MIS18BP1: variants seen among roughly 807,000 people sequenced by gnomAD.
MIS18BP1 encodes the protein MIS18 binding protein 1, also known as mis18-binding protein 1.
A neutral mutation model predicts 116.1 loss-of-function variants in MIS18BP1; 72 were observed. The ratio of observed to expected loss-of-function variants is 0.62; its 90% CI spans 0.51 to 0.75. MIS18BP1 has a LOEUF of 0.75. Among genes scored for constraint, MIS18BP1 ranks in the 30% least tolerant of loss-of-function variants. MIS18BP1 has a pLI of 0.00. For synonymous variants in MIS18BP1, 386 were observed against 427.0 expected, an observed-to-expected ratio of 0.90 and a Z score of 1.18; for missense variants, 1,363 against 1,303.2, an observed-to-expected ratio of 1.05 and a Z score of -0.71.
chr14:45,218,329 T>C lies in MIS18BP1; in HGVS notation c.2795A>G (p.Gln932Arg). 6.2e-7 allele frequency: 1 copy of C among 1,614,142 alleles called. No individual in the cohort carries two copies. The highest frequency in any genetic ancestry group is 8.5e-7 in the Non-Finnish European group (1 of 1,180,012). Residue 932 changes from glutamine (Q) to arginine (R), a missense_variant, in exon 12 of 17, where the codon CAG (glutamine) becomes CGG (arginine). Transcript: ENST00000310806. ...YMENPRGKGS[Q>R]KHVTKKKPAN... is the part of the protein sequence containing the mutation. Reference sequence around the variant, plus strand: ...TGGCTTCTTCTTAGTGACATGTTTCTGGGATCCTTTTCCTCTGGGATTTTC... The same window carrying C: ...TGGCTTCTTCTTAGTGACATGTTTCCGGGATCCTTTTCCTCTGGGATTTTC...
chr14:45,240,221 C>T (rs1414314500), intron 4 of MIS18BP1, among the ~76,000 whole-genome samples: 1 of 151,772 alleles, frequency 6.6e-6, no homozygotes, highest in African/African-American at 2.4e-5. Context: ...GCAGTAATTC[C>T]AACATTTTTA....
In MIS18BP1 at chr14:45,247,390, G is replaced by A. The variant is rs760568869; in HGVS notation, c.-91-13C>T. 7 of 927,354 alleles carry A rather than the reference G, an allele frequency of 7.5e-6. No homozygotes were observed. The highest frequency in any genetic ancestry group is 3.2e-4 in the Middle Eastern group (1 of 3,088). The allele number at this position is 927,354 out of a possible 1,614,324, so 57.4% of individuals were successfully genotyped here. On this transcript the variant is annotated splice_polypyrimidine_tract_variant and intron_variant, in intron 1 of 16. Coordinates refer to ENST00000310806, the MANE Select transcript of MIS18BP1 (RefSeq NM_018353.5). ...GATCCACAGAAACCTGTAGTTCAAC[G>A]TAAAATCAGCCTTTATCATGCTTTG...
At chr14:45,221,983 A>G (rs1387539169) in intron 11 of MIS18BP1, among the ~76,000 whole-genome samples, 1 of 152,192 alleles carries the variant, frequency 6.6e-6, no homozygotes, top group Non-Finnish European at 1.5e-5. Context: ...TGACCCTTCT[A>G]TCATTTGTAA....
Position 45,235,917 on chromosome 14 carries a change from A to G in MIS18BP1, c.1245T>C (p.Ser415=). ...GCTCAATCCGCTCTATAATTACATT[A>G]CTGTGCCAATATATGTTAGTGACGT... ...LIDVTNIYWH[S]NVIIERIEHN... is the part of the protein sequence containing the mutation. The change falls in exon 6 of 17, where the codon AGT becomes AGC. Residue 415 remains serine, a synonymous_variant. Transcript: ENST00000310806. The G allele has an allele frequency of 6.2e-7, 1 of 1,610,856 alleles. No individual in the cohort carries two copies. Among genetic ancestry groups the G allele is most frequent in the East Asian group, 2.2e-5 (1 of 44,720 alleles).
rs1423296661 is a variant in MIS18BP1 at position 45,242,833 on chromosome 14, TATC to T, written c.583_585del (p.Asp195del). The T allele has an allele frequency of 3.1e-6, 5 of 1,613,400 alleles. No individual in the cohort carries two copies. Among genetic ancestry groups the T allele is most frequent in the South Asian group, 2.2e-5 (2 of 91,040 alleles). On this transcript the variant is annotated inframe_deletion, in exon 3 of 17. Coordinates refer to ENST00000310806, the MANE Select transcript of MIS18BP1 (RefSeq NM_018353.5). ...ATCTTTTGTTTGACCGGGAGGAAAATATCATTATTTGATGATTCTAGAGGAACT... is the reference window on the plus strand; with the variant it reads ...ATCTTTTGTTTGACCGGGAGGAAAATATTATTTGATGATTCTAGAGGAACT...
rs138516068 is a variant in MIS18BP1, at chr14:45,203,962, C to T, written c.*147G>A. On this transcript the variant is annotated 3_prime_UTR_variant, in exon 17 of 17. Transcript: ENST00000310806. Reference sequence around the variant, plus strand: ...AAGCTGCAGCAATGAGGATATTTTACTTTGAACACAAACATATGAAACCTT... The same window carrying T: ...AAGCTGCAGCAATGAGGATATTTTATTTTGAACACAAACATATGAAACCTT... The T allele has an allele frequency of 1.7e-6, 2 of 1,198,340 alleles. No homozygotes were observed. Among genetic ancestry groups the T allele is most frequent in the African/African-American group, 3.2e-5 (2 of 63,056 alleles). 74.2% of individuals were successfully genotyped at this position (1,198,340 alleles called of 1,614,324 possible). A position where few individuals can be genotyped will look rare whatever the true frequency, so the allele number is the denominator to read the frequency against.
chr14:45,235,111 C>T (rs2139215533), intron 6 of MIS18BP1, among the ~76,000 whole-genome samples: 1 of 150,000 alleles, frequency 6.7e-6, no homozygotes, highest in Middle Eastern at 3.4e-3. Context: ...GAGGCTGAGG[C>T]ATGAATAATC....
intron 1 of MIS18BP1, among the ~76,000 whole-genome samples, chr14:45,250,440 C>T (rs17115938): frequency 0.022 from 3,279 of 152,274 alleles, 112 homozygotes; most frequent in African/African-American, 0.075. Flanking sequence ...TCTGATGAAA[C>T]ACAGACATTA....
intron 2 of MIS18BP1, among the ~76,000 whole-genome samples, chr14:45,245,190 C>G (rs1205977748): frequency 1.3e-5 from 2 of 152,100 alleles, no homozygotes; most frequent in Non-Finnish European, 2.9e-5. Flanking sequence ...CACCAATGAC[C>G]TTCACATTGC....
chr14:45,232,628 C>T (rs763396937), intron 7 of MIS18BP1, 105 bp downstream of exon 7: 159 of 682,842 alleles, frequency 2.3e-4, no homozygotes, highest in Admixed American at 4.2e-4. Flanking sequence ...AACCCCATCT[C>T]TATTAAAAAT....
intron 3 of MIS18BP1, 34 bp from the exon 4 acceptor site, chr14:45,242,552 A>G (rs1212280882): frequency 3.2e-6 from 5 of 1,542,920 alleles, no homozygotes; most frequent in Non-Finnish European, 4.3e-6. Context: ...AAAACAAAAC[A>G]ATTATAGAAG....
At chr14:45,238,591 A>G (rs940641188) in intron 4 of MIS18BP1, among the ~76,000 whole-genome samples, 3 of 152,140 alleles carry the variant, frequency 2.0e-5, no homozygotes, top group African/African-American at 7.2e-5. Context: ...GAACTTTGGG[A>G]GGCCAAGTCG....
chr14:45,229,873 T>C (rs1022654439), intron 8 of MIS18BP1, among the ~76,000 whole-genome samples: 3 of 151,946 alleles, frequency 2.0e-5, no homozygotes, highest in East Asian at 1.9e-4. Context: ...TTAGAGAAAA[T>C]AGGATGACTT....
intron 10 of MIS18BP1, 44 bp downstream of exon 10, chr14:45,226,699 G>A (rs1891130450): frequency 1.6e-6 from 2 of 1,285,972 alleles, no homozygotes; most frequent in South Asian, 1.7e-5. Flanking sequence ...ATTTCACATA[G>A]TAGCTTTCTG....
At chr14:45,245,149 C>G (rs920225091) in intron 2 of MIS18BP1, among the ~76,000 whole-genome samples, 1 of 152,160 alleles carries the variant, frequency 6.6e-6, no homozygotes, top group African/African-American at 2.4e-5. Context: ...TTCGTTGCTA[C>G]CATTCCACCA....
intron 11 of MIS18BP1, among the ~76,000 whole-genome samples, chr14:45,221,357 A>C (rs1317411276): frequency 1.3e-5 from 2 of 152,242 alleles, no homozygotes; most frequent in South Asian, 2.1e-4. Context: ...GAATGGTGTG[A>C]ACCTGGGAGG....
At position 45,242,114 on chromosome 14, in the gene MIS18BP1, G is replaced by C; in HGVS notation, c.1063C>G (p.Arg355Gly). 1.2e-6 allele frequency: 2 copies of C among 1,613,788 alleles called. No individual in the cohort carries two copies. The highest frequency in any genetic ancestry group is 1.3e-5 in the African/African-American group (1 of 74,958). ...ATPRLHITIP[R>G]RSKRNISKLS... ...TTTGAAATATTTCTTTTTGACCTCCGAGGTATTGTTATATGAAGTCTTGGT... is the reference window on the plus strand; with the variant it reads ...TTTGAAATATTTCTTTTTGACCTCCCAGGTATTGTTATATGAAGTCTTGGT... The change falls in exon 4 of 17, where the codon CGG becomes GGG. Residue 355 changes from arginine to glycine, a missense_variant. By Grantham distance (125) the Arg-to-Gly change is moderately radical (BLOSUM62 -2). Transcript: ENST00000310806.
At chr14:45,233,218 T>C (rs894690770) in intron 6 of MIS18BP1, among the ~76,000 whole-genome samples, 3 of 152,184 alleles carry the variant, frequency 2.0e-5, no homozygotes, top group Middle Eastern at 3.4e-3. Flanking sequence ...GTTAGAATAC[T>C]GGAAACAAAA....
chr14:45,232,851 T>A (rs560110758), intron 6 of MIS18BP1, 31 bp from the exon 7 acceptor site: 2 of 1,035,344 alleles, frequency 1.9e-6, no homozygotes, highest in African/African-American at 3.2e-5. Flanking sequence ...ACAAAAAGTA[T>A]TTAAAAGCCT....
Sources: allele counts gnomAD v4.1 joint callset (sites outside exome capture counted in the v4.1 genomes callset), GRCh38; gene constraint gnomAD v4.1.1; transcripts MANE v1.5; gene names NCBI Gene and HGNC (gene_info 2026-07-23, HGNC 2026-07-21).